RBFOX1: variants seen among roughly 807,000 people sequenced by gnomAD.
The protein encoded by RBFOX1 is RNA binding protein fox-1 homolog 1.
In RBFOX1, 8 loss-of-function variants were observed where a neutral mutation model predicts 57.7. That is an observed-to-expected ratio of 0.14 (90% CI 0.08 to 0.25). RBFOX1 has a LOEUF of 0.25. RBFOX1 is among the 10% of genes least tolerant of loss of function. RBFOX1 has a pLI of 1.00. For missense variants in RBFOX1, 611 were observed against 548.5 expected (o/e 1.11, Z -1.14); for synonymous variants, 326 against 222.4 (o/e 1.47, Z -4.15).
chr16:7,062,339 G>GA (rs1293515104), intron 4 of RBFOX1, among the ~76,000 whole-genome samples: 1 of 113,590 alleles, frequency 8.8e-6, no homozygotes, highest in African/African-American at 3.4e-5. Flanking sequence ...AAAAAAAAAA[G>GA]AAAAGAAAAA....
intron 2 of RBFOX1, among the ~76,000 whole-genome samples, chr16:6,572,364 T>C (rs899857575): frequency 1.3e-5 from 2 of 152,190 alleles, no homozygotes; most frequent in African/African-American, 4.8e-5. Flanking sequence ...TTTTAAAACA[T>C]TAAAGGTTGA....
intron 1 of RBFOX1, among the ~76,000 whole-genome samples, chr16:6,182,966 G>C (rs555283998): frequency 5.4e-4 from 82 of 152,210 alleles, no homozygotes; most frequent in African/African-American, 2.0e-3. Context: ...TGGGGCGAAG[G>C]ATGAAAAGAA....
At position 6,450,748 on chromosome 16, in the gene RBFOX1, T is replaced by C. The variant is rs1284359583; in HGVS notation, c.-64+133691T>C. Among the ~76,000 whole-genome samples the C allele has an allele frequency of 6.6e-5, 4 of 60,636 alleles. 1 individual carries two copies. The Admixed American group carries it at 6.8e-4, about 10-fold the overall frequency. The allele number at this position is 60,636 out of a possible 152,430, so 39.8% of individuals were successfully genotyped here. A position where few individuals can be genotyped will look rare whatever the true frequency, so the allele number is the denominator to read the frequency against. On this transcript the variant is annotated intron_variant, in intron 2 of 15. Coordinates refer to ENST00000550418, the MANE Select transcript of RBFOX1 (RefSeq NM_018723.4). ...GTGGCAGGGGAATAAATTTTATATA[T>C]ATATACATATATATATGTGTATATA...
chr16:6,356,627 G>T (rs994895142), intron 2 of RBFOX1, among the ~76,000 whole-genome samples: 4 of 152,066 alleles, frequency 2.6e-5, no homozygotes, highest in African/African-American at 9.7e-5. Context: ...GAAAAACTGT[G>T]AAATAGCTGC....
chr16:6,716,476 A>G (rs1043020493), intron 3 of RBFOX1, among the ~76,000 whole-genome samples: 14 of 152,078 alleles, frequency 9.2e-5, no homozygotes, highest in African/African-American at 3.1e-4. Flanking sequence ...ATTTTTGGCT[A>G]AATCTGTTAT....
At chr16:5,382,595 T>A (rs971750142) in intron 1 of RBFOX1, among the ~76,000 whole-genome samples, 9 of 152,360 alleles carry the variant, frequency 5.9e-5, no homozygotes, top group African/African-American at 1.9e-4. Flanking sequence ...GTTTGACTAA[T>A]TTAAGGTTCT....
intron 2 of RBFOX1, among the ~76,000 whole-genome samples, chr16:5,525,491 ATTTT>A (rs71404528): frequency 1.9e-4 from 15 of 78,268 alleles, no homozygotes; most frequent in African/African-American, 7.1e-4. Flanking sequence ...AGCCGACACT[ATTTT>A]TTTTTTTTTT....
chr16:7,050,211 T>A (rs1338843060), intron 3 of RBFOX1, among the ~76,000 whole-genome samples: 2 of 151,512 alleles, frequency 1.3e-5, no homozygotes, highest in Non-Finnish European at 2.9e-5. Context: ...TTTTTTGGAA[T>A]ATTTCTCCCA....
At chr16:5,437,187 TATC>T (rs1446074314) in intron 1 of RBFOX1, among the ~76,000 whole-genome samples, 7 of 152,152 alleles carry the variant, frequency 4.6e-5, no homozygotes, top group Admixed American at 1.3e-4. Flanking sequence ...GGGGTGAAGA[TATC>T]ATAGGAAAGA....
At chr16:7,077,961 C>T (rs1026666726) in intron 4 of RBFOX1, among the ~76,000 whole-genome samples, 1 of 152,172 alleles carries the variant, frequency 6.6e-6, no homozygotes, top group Admixed American at 6.5e-5. Flanking sequence ...AGAAAGTAAA[C>T]TCAAGGGCTG....
In RBFOX1 at chr16:5,846,311, G is replaced by A. The variant is rs186312996; in HGVS notation, c.319-20992G>A. ...GTGGAGAAAAGGAGGAGGAGAAGAG[G>A]GCACCCCCCTCTTAAAGTCCATTCT... On this transcript the variant is annotated intron_variant, in intron 3 of 19. Transcript: ENST00000641259. Among the ~76,000 whole-genome samples, 280 of 152,178 alleles carry A rather than the reference G, an allele frequency of 1.8e-3. 3 individuals carry two copies. The highest frequency in any genetic ancestry group is 6.4e-3 in the African/African-American group (266 of 41,530).
intron 3 of RBFOX1, among the ~76,000 whole-genome samples, chr16:6,916,047 C>A (rs1597128448): frequency 6.6e-6 from 1 of 151,946 alleles, no homozygotes; most frequent in South Asian, 2.1e-4. Context: ...GAAGACAGAG[C>A]TCCACACTGC....
In RBFOX1 at chr16:6,524,792, T is replaced by C. The variant is rs715903; in HGVS notation, c.-63-129811T>C. On this transcript the variant is annotated intron_variant, in intron 2 of 15. Transcript: ENST00000550418. ...CCTTGGCATTCCTTGGTGTGTATTG[T>C]CATTGCCCCACCTTCTTCCTCCATC... is the stretch of plus-strand genomic sequence containing the variant. 2.0e-5 allele frequency among the ~76,000 whole-genome samples: 3 copies of C among 151,878 alleles called. No homozygotes were observed. The East Asian group carries it at 5.8e-4, about 29-fold the overall frequency.
chr16:5,688,048 C>A (rs2050558057), intron 3 of RBFOX1, among the ~76,000 whole-genome samples: 1 of 152,106 alleles, frequency 6.6e-6, no homozygotes, highest in South Asian at 2.1e-4. Flanking sequence ...AAATTTGATC[C>A]AACCAGGTCA....
At chr16:5,828,944 C>T (rs1468769495) in intron 3 of RBFOX1, among the ~76,000 whole-genome samples, 1 of 152,220 alleles carries the variant, frequency 6.6e-6, no homozygotes, top group African/African-American at 2.4e-5. Flanking sequence ...AATCCAGACA[C>T]AGCTTAGCTG....
At chr16:6,712,535 G>A (rs1430476903) in intron 3 of RBFOX1, among the ~76,000 whole-genome samples, 1 of 152,114 alleles carries the variant, frequency 6.6e-6, no homozygotes, top group Non-Finnish European at 1.5e-5. Flanking sequence ...CAGTGACACA[G>A]GGCATCATCT....
At chr16:7,364,712 C>G (rs1281845842) in intron 4 of RBFOX1, among the ~76,000 whole-genome samples, 1 of 152,042 alleles carries the variant, frequency 6.6e-6, no homozygotes, top group Non-Finnish European at 1.5e-5. Flanking sequence ...TCAGATCTCT[C>G]TGGTTAAAAT....
intron 3 of RBFOX1, among the ~76,000 whole-genome samples, chr16:6,725,456 C>A (rs895713912): frequency 6.6e-6 from 1 of 152,138 alleles, no homozygotes; most frequent in East Asian, 1.9e-4. Flanking sequence ...CCCCAACCTA[C>A]CGTGAATGCA....
intron 2 of RBFOX1, among the ~76,000 whole-genome samples, chr16:6,634,783 T>C (rs1196166636): frequency 1.5e-5 from 2 of 132,666 alleles, no homozygotes; most frequent in South Asian, 2.4e-4. Flanking sequence ...AAATATATAA[T>C]ACAAAGATAT....
Sources: allele counts gnomAD v4.1 joint callset (sites outside exome capture counted in the v4.1 genomes callset), GRCh38; gene constraint gnomAD v4.1.1; transcripts MANE v1.5; gene names NCBI Gene and HGNC (gene_info 2026-07-23, HGNC 2026-07-21).